Variants in RAB20 observed in about 807,000 individuals in gnomAD.
RAB20 encodes the protein RAB20, member RAS oncogene family.
A neutral mutation model predicts 3.7 loss-of-function variants in RAB20; 2 were observed. The ratio of observed to expected loss-of-function variants is 0.54; its 90% confidence interval spans 0.22 to 1.69. RAB20 has a LOEUF of 1.69. RAB20 is among the 40% of genes most tolerant of loss of function. The probability of loss-of-function intolerance (pLI) is 0.19; values close to 1 mark genes in which losing one functional copy is unlikely to be tolerated. For synonymous variants in RAB20, 126 were observed against 130.8 expected (o/e 0.96, Z 0.25); for missense variants, 276 against 311.9 (o/e 0.88, Z 0.87).
At chr13:110,557,261 G>A (rs936970678) in intron 1 of RAB20, among the ~76,000 whole-genome samples, 5 of 152,180 alleles carry the variant, frequency 3.3e-5, no homozygotes, top group African/African-American at 9.7e-5. Context: ...GATGAAGTTG[G>A]ATATGTAGCT....
intron 1 of RAB20, among the ~76,000 whole-genome samples, chr13:110,554,051 G>A (rs1297430555): frequency 6.6e-6 from 1 of 152,156 alleles, no homozygotes; most frequent in East Asian, 1.9e-4. Context: ...GGAGTTTGAA[G>A]TTACAGTGAG....
intron 1 of RAB20, among the ~76,000 whole-genome samples, chr13:110,542,049 GT>G (rs1884772835): frequency 6.6e-6 from 1 of 152,074 alleles, no homozygotes; most frequent in Non-Finnish European, 1.5e-5. Flanking sequence ...GTGTTTGTTG[GT>G]TTTGTTTTTG....
chr13:110,559,537 C>G (rs1403102258), intron 1 of RAB20, among the ~76,000 whole-genome samples: 3 of 152,234 alleles, frequency 2.0e-5, no homozygotes, highest in Non-Finnish European at 2.9e-5. Flanking sequence ...CAACTCTGGG[C>G]AAGGGCCGCC....
chr13:110,557,096 T>C (rs1337647377), intron 1 of RAB20, among the ~76,000 whole-genome samples: 1 of 152,108 alleles, frequency 6.6e-6, no homozygotes, highest in Non-Finnish European at 1.5e-5. Context: ...ACCTGCATCC[T>C]CGTAGTGAAC....
At chr13:110,560,097 C>T (rs1333591350) in intron 1 of RAB20, among the ~76,000 whole-genome samples, 1 of 152,098 alleles carries the variant, frequency 6.6e-6, no homozygotes, top group Non-Finnish European at 1.5e-5. Flanking sequence ...GAATTGGGTT[C>T]GATTTGACTT....
intron 1 of RAB20, among the ~76,000 whole-genome samples, chr13:110,550,790 G>A (rs1047523955): frequency 6.6e-6 from 1 of 152,110 alleles, no homozygotes; most frequent in Non-Finnish European, 1.5e-5. Flanking sequence ...AAGAGTAGGG[G>A]AAAATACATC....
intron 1 of RAB20, among the ~76,000 whole-genome samples, chr13:110,540,969 G>C (rs1320267197): frequency 1.3e-5 from 2 of 152,180 alleles, no homozygotes; most frequent in African/African-American, 4.8e-5. Context: ...CCTGGAATGG[G>C]AGTTACCTGG....
chr13:110,532,256 G>T (rs1884554382), intron 1 of RAB20, among the ~76,000 whole-genome samples: 3 of 152,202 alleles, frequency 2.0e-5, no homozygotes, highest in Non-Finnish European at 4.4e-5. Flanking sequence ...CCCAGTGAAA[G>T]TGGGAAATAA....
At chr13:110,548,281 C>T (rs1206125871) in intron 1 of RAB20, among the ~76,000 whole-genome samples, 1 of 152,060 alleles carries the variant, frequency 6.6e-6, no homozygotes, top group Non-Finnish European at 1.5e-5. Context: ...GTCATGAGTT[C>T]GAGACCAGCC....
At chr13:110,527,392 T>C (rs1884447674) in intron 1 of RAB20, among the ~76,000 whole-genome samples, 1 of 151,982 alleles carries the variant, frequency 6.6e-6, no homozygotes, top group Non-Finnish European at 1.5e-5. Flanking sequence ...AAGCCGACAG[T>C]GTGCCCTTTG....
At chr13:110,525,165 G>C (rs7988136) in intron 1 of RAB20, among the ~76,000 whole-genome samples, 3 of 152,066 alleles carry the variant, frequency 2.0e-5, no homozygotes, top group Admixed American at 2.0e-4. Flanking sequence ...GGTCGATGTG[G>C]GCACACACAC....
rs2139594605 is a variant in RAB20, at chr13:110,561,637, A to AC, written c.-119dup. On this transcript the variant is annotated 5_prime_UTR_variant, in exon 1 of 2. Coordinates refer to ENST00000267328, the MANE Select transcript of RAB20 (RefSeq NM_017817.3). Reference sequence around the variant, plus strand: ...CTCGCCGGGACCCGGATTCTCGTGAACGCTCCGGGACCTTCGCCTCCGGAC... The same window carrying AC: ...CTCGCCGGGACCCGGATTCTCGTGAACCGCTCCGGGACCTTCGCCTCCGGAC... 2.8e-6 allele frequency: 4 copies of AC among 1,429,922 alleles called. No homozygotes were observed. The South Asian group carries it at 6.1e-5, about 22-fold the overall frequency. The allele number at this position is 1,429,922 out of a possible 1,614,324, so 88.6% of individuals were successfully genotyped here.
intron 1 of RAB20, among the ~76,000 whole-genome samples, chr13:110,550,782 G>T (rs994280183): frequency 6.6e-6 from 1 of 152,172 alleles, no homozygotes; most frequent in Non-Finnish European, 1.5e-5. Context: ...TTAGAGGGAA[G>T]AGTAGGGGAA....
chr13:110,535,021 A>G (rs548313311), intron 1 of RAB20, among the ~76,000 whole-genome samples: 1 of 152,008 alleles, frequency 6.6e-6, no homozygotes, highest in South Asian at 2.1e-4. Flanking sequence ...TTTAGTAGAG[A>G]TGAGGTCTCA....
At chr13:110,526,194 G>GACTA (rs3074459) in intron 1 of RAB20, among the ~76,000 whole-genome samples, 83,726 of 151,730 alleles carry the variant, frequency 0.55, 23,258 homozygotes, top group African/African-American at 0.61. Flanking sequence ...GGGAACGACT[G>GACTA]ACAGCACTGG....
intron 1 of RAB20, among the ~76,000 whole-genome samples, chr13:110,540,533 AG>A (rs747462125): frequency 1.2e-4 from 19 of 152,166 alleles, no homozygotes; most frequent in Non-Finnish European, 2.1e-4. Flanking sequence ...ACCTGAGGTC[AG>A]GAGTTCGAGA....
In RAB20 at chr13:110,523,371, G is replaced by A. The variant is rs3742190; in HGVS notation, c.*294C>T. ...GCAAGGGGGCCGTTGGTGGCTGGCTGCAAAGGACCAGTGCCAGGCAGCGGG... is the reference window on the plus strand; with the variant it reads ...GCAAGGGGGCCGTTGGTGGCTGGCTACAAAGGACCAGTGCCAGGCAGCGGG... On this transcript the variant is annotated 3_prime_UTR_variant, in exon 2 of 2. Transcript: ENST00000267328. The A allele has an allele frequency of 2.9e-5, 16 of 549,760 alleles. No individual in the cohort carries two copies. The highest frequency in any genetic ancestry group is 2.6e-4 in the African/African-American group (14 of 53,012). 34.1% of individuals were successfully genotyped at this position (549,760 alleles called of 1,614,324 possible). A position where few individuals can be genotyped will look rare whatever the true frequency, so the allele number is the denominator to read the frequency against.
At chr13:110,524,621 C>T (rs916644329) in intron 1 of RAB20, among the ~76,000 whole-genome samples, 21 of 152,200 alleles carry the variant, frequency 1.4e-4, no homozygotes, top group Admixed American at 3.9e-4. Flanking sequence ...ATGCAGACTC[C>T]GGAAGCAAAG....
At chr13:110,557,540 A>G (rs2139592012) in intron 1 of RAB20, among the ~76,000 whole-genome samples, 1 of 152,340 alleles carries the variant, frequency 6.6e-6, no homozygotes, top group African/African-American at 2.4e-5. Flanking sequence ...GAGGACTCTC[A>G]AGAGACCAAG....
Sources: allele counts gnomAD v4.1 joint callset (sites outside exome capture counted in the v4.1 genomes callset), GRCh38; gene constraint gnomAD v4.1.1; transcripts MANE v1.5; gene names NCBI Gene and HGNC (gene_info 2026-07-23, HGNC 2026-07-21).